Variants in PHF20 observed in about 807,000 individuals in gnomAD.
The protein encoded by PHF20 is PHD finger protein 20, also known as glioma-expressed antigen 2.
In PHF20, 23 loss-of-function variants were observed where a neutral mutation model predicts 113.5. The observed-to-expected ratio is 0.20, with a 90% CI of 0.15 to 0.29. The LOEUF (loss-of-function observed/expected upper bound fraction) is 0.29. Among genes scored for constraint, PHF20 ranks in the 10% least tolerant of loss-of-function variants. The pLI is 1.00. For synonymous variants in PHF20, 434 were observed against 457.3 expected, an observed-to-expected ratio of 0.95 and a Z score of 0.65; for missense variants, 943 against 1,219.6, an observed-to-expected ratio of 0.77 and a Z score of 3.38.
At chr20:35,832,453 C>T (rs968131535) in intron 2 of PHF20, among the ~76,000 whole-genome samples, 4 of 152,096 alleles carry the variant, frequency 2.6e-5, no homozygotes, top group Admixed American at 2.6e-4. Flanking sequence ...GGGAAGCAGG[C>T]CATAAACACA....
intron 12 of PHF20, among the ~76,000 whole-genome samples, chr20:35,916,347 C>G (rs2055403142): frequency 6.6e-6 from 1 of 152,218 alleles, no homozygotes; most frequent in Non-Finnish European, 1.5e-5. Context: ...GTATCTGCTT[C>G]AGAACAAGCG....
At chr20:35,873,425 GT>G (rs1240404938) in intron 9 of PHF20, among the ~76,000 whole-genome samples, 2 of 141,982 alleles carry the variant, frequency 1.4e-5, no homozygotes, top group Non-Finnish European at 3.1e-5. Context: ...GATATGGTTG[GT>G]TTTTAGGCTA....
intron 1 of PHF20, among the ~76,000 whole-genome samples, chr20:35,789,875 A>G (rs1268650342): frequency 3.3e-5 from 3 of 90,786 alleles, no homozygotes; most frequent in East Asian, 8.0e-4. Flanking sequence ...TTTTTTTTAT[A>G]CACAGTTTTA....
intron 1 of PHF20, among the ~76,000 whole-genome samples, chr20:35,779,940 G>A (rs749308953): frequency 5.9e-5 from 9 of 152,186 alleles, no homozygotes; most frequent in Non-Finnish European, 1.3e-4. Flanking sequence ...TTGGAGCACT[G>A]TCTTAAATGT....
chr20:35,879,912 C>T (rs1338970226), intron 9 of PHF20, among the ~76,000 whole-genome samples: 1 of 151,840 alleles, frequency 6.6e-6, no homozygotes, highest in Non-Finnish European at 1.5e-5. Context: ...TCGATTGAGC[C>T]CAGGAGGTCA....
At chr20:35,876,696 C>T (rs1016803275) in intron 9 of PHF20, among the ~76,000 whole-genome samples, 13 of 152,008 alleles carry the variant, frequency 8.6e-5, no homozygotes, top group African/African-American at 2.7e-4. Flanking sequence ...TCAGGCTGGG[C>T]GTGGTGGCTC....
At chr20:35,885,351 A>G (rs2054707287) in intron 9 of PHF20, among the ~76,000 whole-genome samples, 1 of 151,836 alleles carries the variant, frequency 6.6e-6, no homozygotes, top group Non-Finnish European at 1.5e-5. Context: ...TCTGGTCAAG[A>G]TCCAATCCAG....
chr20:35,809,137 C>T (rs556568887), intron 2 of PHF20, among the ~76,000 whole-genome samples: 1 of 151,658 alleles, frequency 6.6e-6, no homozygotes, highest in South Asian at 2.1e-4. Flanking sequence ...CCCAGCTACC[C>T]CTGAGTCTGA....
chr20:35,893,602 C>T lies in PHF20; in HGVS notation c.1283-5768C>T, dbSNP rs2054918542. Among the ~76,000 whole-genome samples the T allele has an allele frequency of 2.6e-5, 4 of 152,200 alleles. No individual in the cohort carries two copies. In the South Asian group the frequency reaches 8.3e-4, roughly 32 times the overall value. ...TACAGGCATGAGCCACCACTCCCAG[C>T]CGGCCATGGCTTTTTTCTTTTTTTG... On this transcript the variant is annotated intron_variant, in intron 9 of 17. Transcript: ENST00000374012.
chr20:35,835,325 G>T (rs936780817), intron 2 of PHF20, among the ~76,000 whole-genome samples: 4 of 152,056 alleles, frequency 2.6e-5, no homozygotes, highest in African/African-American at 2.4e-5. Flanking sequence ...CCATAGAAGT[G>T]ATGGGAAAGG....
At chr20:35,916,490 C>T (rs918603603) in intron 12 of PHF20, among the ~76,000 whole-genome samples, 5 of 152,048 alleles carry the variant, frequency 3.3e-5, no homozygotes, top group African/African-American at 7.3e-5. Context: ...GTTTTTGAGA[C>T]GGAGTCTCAC....
intron 9 of PHF20, among the ~76,000 whole-genome samples, chr20:35,891,628 C>T (rs771413432): frequency 1.5e-4 from 23 of 152,208 alleles, no homozygotes; most frequent in Admixed American, 2.0e-4. Flanking sequence ...ATAGAGGGAA[C>T]CACATGGCCT....
chr20:35,899,487 A>G lies in PHF20; in HGVS notation c.1400A>G (p.Lys467Arg). ...VDCLKFFRKAKLLHYHMKYFH... is the reference protein window; with the variant it reads ...VDCLKFFRKARLLHYHMKYFH... ...TGTTTAAAATTTTTCCGCAAAGCCAAACTGTTGCACTATCACATGAAGTAT... is the reference window on the plus strand; with the variant it reads ...TGTTTAAAATTTTTCCGCAAAGCCAGACTGTTGCACTATCACATGAAGTAT... Residue 467 changes from lysine to arginine, a missense_variant, in exon 10 of 18, where the codon AAA becomes AGA. Lys to Arg is a conservative substitution (Grantham distance 26). Around this residue, in one of 3 missense-constraint regions of PHF20, gnomAD observed 592 missense variants for 787.2 expected, o/e 0.75. Transcript: ENST00000374012. 3 of 1,614,232 alleles carry G rather than the reference A, an allele frequency of 1.9e-6. No homozygotes were observed. The highest frequency in any genetic ancestry group is 1.1e-5 in the South Asian group (1 of 91,086).
At chr20:35,801,980 C>T (rs2041789387) in intron 2 of PHF20, 1 of 173,854 alleles carries the variant, frequency 5.8e-6, no homozygotes, top group Non-Finnish European at 1.2e-5. Context: ...TGGAGCAGCT[C>T]ATGTGTTGTG....
intron 1 of PHF20, among the ~76,000 whole-genome samples, chr20:35,797,270 T>C (rs1158577208): frequency 6.6e-6 from 1 of 151,296 alleles, no homozygotes; most frequent in Non-Finnish European, 1.5e-5. Context: ...CCCAGCACTT[T>C]GGGAGGCCAA....
chr20:35,816,359 A>G (rs1377034466), intron 2 of PHF20, among the ~76,000 whole-genome samples: 1 of 152,200 alleles, frequency 6.6e-6, no homozygotes, highest in African/African-American at 2.4e-5. Flanking sequence ...TAACAAGTAT[A>G]CTGAGTGAAT....
At chr20:35,889,034 T>G (rs2054795094) in intron 9 of PHF20, among the ~76,000 whole-genome samples, 1 of 121,782 alleles carries the variant, frequency 8.2e-6, no homozygotes, top group African/African-American at 3.5e-5. Context: ...TTTTTTTTTT[T>G]GAAATGGAGT....
At chr20:35,920,144 C>G (rs976272246) in intron 13 of PHF20, among the ~76,000 whole-genome samples, 1 of 152,212 alleles carries the variant, frequency 6.6e-6, no homozygotes, top group African/African-American at 2.4e-5. Context: ...ATACTTATCC[C>G]TAACCCTGGA....
chr20:35,793,562 A>AG (rs2041601874), intron 1 of PHF20, among the ~76,000 whole-genome samples: 1 of 150,308 alleles, frequency 6.7e-6, no homozygotes, highest in African/African-American at 2.4e-5. Context: ...GGCCTCCCAA[A>AG]GTGCTGGGAT....
Sources: gnomAD v4.1 joint callset for allele counts (sites outside exome capture counted in the v4.1 genomes callset) on GRCh38, gnomAD v4.1.1 for gene constraint, gnomAD v4.1.1 regional missense constraint, MANE v1.5 for transcripts, NCBI Gene and HGNC (gene_info 2026-07-23, HGNC 2026-07-21) for gene names.